The following NRAP variants were observed in gnomAD, a reference collection of about 807,000 sequenced individuals.
NRAP encodes nebulin-related-anchoring protein.
Under a neutral mutation model 225.9 loss-of-function variants are expected in NRAP, and 189 were observed. The observed-to-expected ratio is 0.84, with a 90% CI of 0.74 to 0.94. NRAP has a LOEUF of 0.94. NRAP is among the 40% of genes least tolerant of loss of function. The pLI, the probability that NRAP is intolerant of heterozygous loss-of-function variation, is 0.00. For synonymous variants in NRAP, 769 were observed against 790.7 expected, an observed-to-expected ratio of 0.97 and a Z score of 0.46; for missense variants, 2,176 against 2,168.7, an observed-to-expected ratio of 1.00 and a Z score of -0.07.
chr10:113,619,911 T>A (rs931507467), intron 25 of NRAP, among the ~76,000 whole-genome samples: 2 of 152,188 alleles, frequency 1.3e-5, no homozygotes, highest in African/African-American at 4.8e-5. Flanking sequence ...CGATCCATTT[T>A]TGGTTGTCAC....
chr10:113,648,033 T>C (rs1849684948), intron 9 of NRAP, among the ~76,000 whole-genome samples: 1 of 152,176 alleles, frequency 6.6e-6, no homozygotes, highest in Non-Finnish European at 1.5e-5. Flanking sequence ...CCTTCACCCC[T>C]GGACCTGCCC....
intron 26 of NRAP, among the ~76,000 whole-genome samples, 182 bp from the exon 27 acceptor site, chr10:113,615,998 C>T (rs1307745603): frequency 6.6e-6 from 1 of 152,202 alleles, no homozygotes; most frequent in Non-Finnish European, 1.5e-5. Context: ...CATTTCCAAG[C>T]TCTGCTTCCT....
In NRAP at chr10:113,598,769, C is replaced by T. The variant is rs189344143; in HGVS notation, c.4228-696G>A. On this transcript the variant is annotated intron_variant, in intron 35 of 41. Coordinates refer to ENST00000359988, the MANE Select transcript of NRAP (RefSeq NM_198060.4). The stretch of plus-strand genomic sequence containing the variant: ...TTTAACCGCTTCATGCCTCAGTTTA[C>T]CACCTCCTCCCACTGTTACTCATTA... 5.0e-3 allele frequency among the ~76,000 whole-genome samples: 758 copies of T among 152,320 alleles called. 5 individuals carry two copies. Among genetic ancestry groups the T allele is most frequent in the Middle Eastern group, 0.017 (5 of 294 alleles).
chr10:113,599,137 C>T (rs1011413780), intron 35 of NRAP, among the ~76,000 whole-genome samples: 15 of 152,202 alleles, frequency 9.9e-5, no homozygotes, highest in African/African-American at 3.1e-4. Flanking sequence ...TCTGCTGTAA[C>T]GCAAAATATC....
intron 30 of NRAP, 32 bp downstream of exon 30, chr10:113,612,201 AG>A: frequency 6.3e-7 from 1 of 1,583,548 alleles, no homozygotes; most frequent in Non-Finnish European, 8.7e-7. Flanking sequence ...TAAGAGAAGA[AG>A]GGGCCCTGAG....
intron 30 of NRAP, 47 bp from the exon 31 acceptor site, chr10:113,610,610 G>T: frequency 1.6e-6 from 2 of 1,223,752 alleles, no homozygotes; most frequent in Non-Finnish European, 2.4e-6. Context: ...CAAGCTCTCA[G>T]AACAGGGAAG....
At chr10:113,660,968 C>G (rs991538461) in intron 3 of NRAP, among the ~76,000 whole-genome samples, 6 of 152,104 alleles carry the variant, frequency 3.9e-5, no homozygotes, top group African/African-American at 1.2e-4. Flanking sequence ...ACAGAAGGTT[C>G]TTGTCAAGAA....
At chr10:113,595,122 AAGTGTTGGAGGCCAC>A (rs1353542183) in intron 38 of NRAP, among the ~76,000 whole-genome samples, 1 of 152,218 alleles carries the variant, frequency 6.6e-6, no homozygotes, top group Non-Finnish European at 1.5e-5. Context: ...AGGGAAACGA[AAGTGTTGGAGGCCAC>A]AGTCCCATGC....
chr10:113,589,117 TC>T (rs777331071), intron 41 of NRAP, 38 bp from the exon 42 acceptor site: 15 of 1,562,688 alleles, frequency 9.6e-6, no homozygotes, highest in Middle Eastern at 3.8e-4. Context: ...AAAATGAAGC[TC>T]CCCCACCCCC....
chr10:113,612,180 C>A (rs1019209382), intron 30 of NRAP, 54 bp downstream of exon 30: 5 of 1,474,438 alleles, frequency 3.4e-6, no homozygotes, highest in Middle Eastern at 1.9e-4. Flanking sequence ...GAGGTCACCA[C>A]CCTGAGGTCC....
At chr10:113,639,931 T>C (rs998201167) in intron 14 of NRAP, among the ~76,000 whole-genome samples, 5 of 152,196 alleles carry the variant, frequency 3.3e-5, no homozygotes, top group African/African-American at 1.2e-4. Context: ...AACAAGCATT[T>C]GAAATGTGCC....
chr10:113,656,579 T>G (rs1214591500), intron 4 of NRAP, among the ~76,000 whole-genome samples: 9 of 152,228 alleles, frequency 5.9e-5, no homozygotes, highest in Non-Finnish European at 1.2e-4. Context: ...TAACAAGTAA[T>G]ACTAGCTGAT....
chr10:113,620,428 G>A (rs1321547398), intron 25 of NRAP, among the ~76,000 whole-genome samples, 176 bp downstream of exon 25: 2 of 152,092 alleles, frequency 1.3e-5, no homozygotes, highest in Non-Finnish European at 2.9e-5. Flanking sequence ...GGCCCCTACT[G>A]GTGTGTGTTT....
At position 113,650,654 on chromosome 10, in the gene NRAP, A is replaced by G. The variant is rs1564756820; in HGVS notation, c.676-109T>C. ...TCCTGCCCATCTCCTGTCATAGCTC[A>G]TAAGGCACATAATTGGCTTACAGTT... is the stretch of plus-strand genomic sequence containing the variant. On this transcript the variant is annotated intron_variant, in intron 7 of 41. Coordinates refer to ENST00000359988, the MANE Select transcript of NRAP (RefSeq NM_198060.4). 2.2e-5 allele frequency: 16 copies of G among 737,578 alleles called. No homozygotes were observed. The East Asian group carries it at 4.2e-4, about 19-fold the overall frequency. The allele number at this position is 737,578 out of a possible 1,614,324, so 45.7% of individuals were successfully genotyped here.
At chr10:113,633,739 CT>C (rs1219794871) in intron 15 of NRAP, among the ~76,000 whole-genome samples, 1 of 151,838 alleles carries the variant, frequency 6.6e-6, no homozygotes, top group African/African-American at 2.4e-5. Flanking sequence ...CATGTTTTTT[CT>C]TTTTTACCTT....
chr10:113,661,146 T>C (rs1850649473), intron 3 of NRAP, among the ~76,000 whole-genome samples: 1 of 152,166 alleles, frequency 6.6e-6, no homozygotes, highest in African/African-American at 2.4e-5. Flanking sequence ...ACTTGTGAAT[T>C]CATAAGACTT....
chr10:113,615,327 G>A (rs548267422), intron 27 of NRAP, among the ~76,000 whole-genome samples: 2 of 152,300 alleles, frequency 1.3e-5, no homozygotes, highest in South Asian at 4.2e-4. Flanking sequence ...CAGAAATGGT[G>A]GGCAGGGGAG....
intron 14 of NRAP, among the ~76,000 whole-genome samples, chr10:113,636,035 G>A (rs1224053617): frequency 6.6e-6 from 1 of 152,194 alleles, no homozygotes; most frequent in South Asian, 2.1e-4. Flanking sequence ...GTTGCCAGCT[G>A]AGCTCCCCCG....
chr10:113,595,589 G>T, intron 38 of NRAP, 34 bp downstream of exon 38: 1 of 1,321,722 alleles, frequency 7.6e-7, no homozygotes, highest in Non-Finnish European at 1.1e-6. Flanking sequence ...TTACAAAAGT[G>T]GGCACACGTT....
Sources: gnomAD v4.1 joint callset for allele counts (sites outside exome capture counted in the v4.1 genomes callset) on GRCh38, gnomAD v4.1.1 for gene constraint, MANE v1.5 for transcripts, NCBI Gene and HGNC (gene_info 2026-07-23, HGNC 2026-07-21) for gene names.